The following PRKCQ variants were observed in gnomAD, a reference collection of about 807,000 sequenced individuals.
PRKCQ encodes the protein protein kinase C theta type.
A neutral mutation model predicts 91.2 loss-of-function variants in PRKCQ; 41 were observed. The observed-to-expected ratio is 0.45, with a 90% CI of 0.35 to 0.58. PRKCQ has a LOEUF of 0.58. Ranked by LOEUF, PRKCQ falls within the 20% of genes least tolerant of loss-of-function variation. PRKCQ has a pLI of 0.00. For missense variants in PRKCQ, 673 were observed against 896.5 expected (o/e 0.75, Z 3.18); for synonymous variants, 307 against 316.9 (o/e 0.97, Z 0.33).
At chr10:6,543,073 G>C (rs1054091440) in intron 1 of PRKCQ, among the ~76,000 whole-genome samples, 2 of 152,190 alleles carry the variant, frequency 1.3e-5, no homozygotes, top group African/African-American at 4.8e-5. Flanking sequence ...GTGGAGCCCT[G>C]AGGGTGGGCC....
At chr10:6,440,466 G>A (rs1833914284) in intron 16 of PRKCQ, among the ~76,000 whole-genome samples, 1 of 152,206 alleles carries the variant, frequency 6.6e-6, no homozygotes, top group Non-Finnish European at 1.5e-5. Context: ...CAGTTCAGGG[G>A]TAGGAGGCTG....
intron 1 of PRKCQ, among the ~76,000 whole-genome samples, chr10:6,551,795 C>T (rs955611638): frequency 6.6e-6 from 1 of 152,192 alleles, no homozygotes; most frequent in Non-Finnish European, 1.5e-5. Flanking sequence ...GTGCGTGTGT[C>T]TTTATGATAG....
At chr10:6,508,311 AGGTCATTATT>A (rs1472669416) in intron 3 of PRKCQ, among the ~76,000 whole-genome samples, 1 of 152,192 alleles carries the variant, frequency 6.6e-6, no homozygotes, top group African/African-American at 2.4e-5. Flanking sequence ...GATGACTTGA[AGGTCATTATT>A]GGTCATTATG....
chr10:6,577,547 A>C (rs1462238959), intron 1 of PRKCQ, among the ~76,000 whole-genome samples: 3 of 152,190 alleles, frequency 2.0e-5, no homozygotes, highest in Non-Finnish European at 4.4e-5. Context: ...GATTACACAC[A>C]CACATACACA....
chr10:6,508,774 A>T (rs948889274), intron 3 of PRKCQ, among the ~76,000 whole-genome samples: 1 of 152,194 alleles, frequency 6.6e-6, no homozygotes, highest in African/African-American at 2.4e-5. Context: ...AGTACTTAGT[A>T]GTGATGGAAG....
In PRKCQ at chr10:6,431,362, A is replaced by G. The variant is rs72781722; in HGVS notation, c.1837-424T>C. ...CACAGACAGGCACATGTGACGGCATACACACATGGACATAAACACACACTG... is the reference window on the plus strand; with the variant it reads ...CACAGACAGGCACATGTGACGGCATGCACACATGGACATAAACACACACTG... On this transcript the variant is annotated intron_variant, in intron 16 of 17. Coordinates refer to ENST00000263125, the MANE Select transcript of PRKCQ (RefSeq NM_006257.5). Among the ~76,000 whole-genome samples, 1,051 of 152,360 alleles carry G rather than the reference A, an allele frequency of 6.9e-3. 6 individuals carry two copies. Among genetic ancestry groups the G allele is most frequent in the Middle Eastern group, 0.017 (5 of 294 alleles).
At chr10:6,431,532 G>A (rs774158479) in intron 16 of PRKCQ, among the ~76,000 whole-genome samples, 18 of 152,006 alleles carry the variant, frequency 1.2e-4, no homozygotes, top group Non-Finnish European at 2.4e-4. Context: ...GCATACACAC[G>A]CATACACACA....
chr10:6,464,592 C>G (rs900799523), intron 12 of PRKCQ, among the ~76,000 whole-genome samples, 188 bp from the exon 13 acceptor site: 4 of 152,158 alleles, frequency 2.6e-5, no homozygotes, highest in Non-Finnish European at 5.9e-5. Context: ...GGACTACAGG[C>G]ATGCACCACC....
intron 16 of PRKCQ, among the ~76,000 whole-genome samples, chr10:6,435,869 T>C (rs147767765): frequency 6.6e-6 from 1 of 152,202 alleles, no homozygotes; most frequent in East Asian, 1.9e-4. Context: ...TCCCAGCACA[T>C]TGGGAGGCTG....
intron 1 of PRKCQ, among the ~76,000 whole-genome samples, chr10:6,543,610 A>G (rs992658016): frequency 2.0e-5 from 3 of 152,024 alleles, no homozygotes; most frequent in Admixed American, 2.0e-4. Context: ...GCAAACACAC[A>G]CCTCCAGATG....
chr10:6,557,914 T>C (rs1337719277), intron 1 of PRKCQ, among the ~76,000 whole-genome samples: 3 of 152,204 alleles, frequency 2.0e-5, no homozygotes, highest in African/African-American at 4.8e-5. Flanking sequence ...ACAAGTCCCA[T>C]GGATTTTTCT....
intron 12 of PRKCQ, among the ~76,000 whole-genome samples, chr10:6,467,407 G>GAC (rs1835741766): frequency 1.6e-5 from 2 of 126,360 alleles, no homozygotes; most frequent in Non-Finnish European, 3.4e-5. Context: ...GAGAGAGAGA[G>GAC]AGAGAGAGAG....
chr10:6,398,633 G>C, the PRKCQ span, among the ~76,000 whole-genome samples: 3 of 152,066 alleles, frequency 2.0e-5, no homozygotes, highest in African/African-American at 7.2e-5. Flanking sequence ...TTTCCTCCAT[G>C]TCATGGCCTG....
intron 11 of PRKCQ, among the ~76,000 whole-genome samples, chr10:6,482,791 G>A (rs980438567): frequency 2.6e-5 from 4 of 152,144 alleles, no homozygotes; most frequent in South Asian, 2.1e-4. Flanking sequence ...GACGTCTTAC[G>A]TGGTGGCAGG....
chr10:6,431,615 T>C (rs1833433663), intron 16 of PRKCQ, among the ~76,000 whole-genome samples: 1 of 152,228 alleles, frequency 6.6e-6, no homozygotes. Flanking sequence ...CCCAACAGCA[T>C]AGAGTCAGTG....
At chr10:6,506,504 A>T (rs182532611) in intron 4 of PRKCQ, among the ~76,000 whole-genome samples, 9 of 152,368 alleles carry the variant, frequency 5.9e-5, no homozygotes, top group Non-Finnish European at 1.2e-4. Context: ...TATGTAAAAG[A>T]TCAGTGTGCC....
At chr10:6,457,677 T>C (rs1694072204) in intron 14 of PRKCQ, among the ~76,000 whole-genome samples, 1 of 152,162 alleles carries the variant, frequency 6.6e-6, no homozygotes, top group Non-Finnish European at 1.5e-5. Context: ...GCCAGAATCC[T>C]CCAGAGAGAC....
At chr10:6,527,044 G>A (rs1490059542) in intron 1 of PRKCQ, among the ~76,000 whole-genome samples, 1 of 152,142 alleles carries the variant, frequency 6.6e-6, no homozygotes, top group Non-Finnish European at 1.5e-5. Context: ...TCAAGGTTTG[G>A]GGCCCCAACC....
the PRKCQ span, among the ~76,000 whole-genome samples, chr10:6,404,649 CT>C: frequency 5.3e-5 from 7 of 132,348 alleles, no homozygotes; most frequent in Non-Finnish European, 7.9e-5. Flanking sequence ...CCTTTCTTTC[CT>C]TTTTTCTCTT....
Sources: gnomAD v4.1 joint callset for allele counts (sites outside exome capture counted in the v4.1 genomes callset) on GRCh38, gnomAD v4.1.1 for gene constraint, MANE v1.5 for transcripts, NCBI Gene and HGNC (gene_info 2026-07-23, HGNC 2026-07-21) for gene names.